Variants in FBXL17 observed in about 807,000 individuals in gnomAD.
FBXL17 encodes the protein F-box and leucine rich repeat protein 17.
In FBXL17, 22 loss-of-function variants were observed where a neutral mutation model predicts 66.2. The ratio of observed to expected loss-of-function variants is 0.33; its 90% CI spans 0.24 to 0.47. The LOEUF is 0.47. FBXL17 is among the 20% of genes least tolerant of loss of function. FBXL17 has a pLI of 1.00. For synonymous variants in FBXL17, 474 were observed against 400.5 expected (o/e 1.18, Z -2.19); for missense variants, 878 against 948.2 (o/e 0.93, Z 0.97).
chr5:108,045,901 C>T (rs746516496), intron 6 of FBXL17, among the ~76,000 whole-genome samples: 4 of 151,976 alleles, frequency 2.6e-5, no homozygotes, highest in Non-Finnish European at 5.9e-5. Flanking sequence ...TTGGCATGTG[C>T]GACATGGTTA....
intron 7 of FBXL17, among the ~76,000 whole-genome samples, chr5:107,948,363 C>G (rs1203671778): frequency 6.6e-6 from 1 of 152,182 alleles, no homozygotes; most frequent in Non-Finnish European, 1.5e-5. Flanking sequence ...AAACTGCACA[C>G]CTGGGAGTCA....
intron 4 of FBXL17, among the ~76,000 whole-genome samples, chr5:108,272,118 A>G (rs901609100): frequency 6.6e-6 from 1 of 151,948 alleles, no homozygotes; most frequent in Admixed American, 6.6e-5. Flanking sequence ...GTGAAACCCC[A>G]TCTCTACTAA....
At chr5:108,185,113 A>G (rs1580575375) in intron 6 of FBXL17, among the ~76,000 whole-genome samples, 1 of 152,112 alleles carries the variant, frequency 6.6e-6, no homozygotes, top group South Asian at 2.1e-4. Flanking sequence ...GTAAGAAAAA[A>G]CTTCTGATTC....
intron 6 of FBXL17, among the ~76,000 whole-genome samples, chr5:108,111,694 C>T (rs929097388): frequency 1.3e-5 from 2 of 152,160 alleles, no homozygotes; most frequent in African/African-American, 4.8e-5. Context: ...AAAAAACTGT[C>T]TGTACATGCT....
chr5:108,024,334 C>T (rs1223493842), intron 6 of FBXL17, among the ~76,000 whole-genome samples: 1 of 152,084 alleles, frequency 6.6e-6, no homozygotes, highest in African/African-American at 2.4e-5. Flanking sequence ...ATTAAGATTA[C>T]TAAACCCTAA....
At chr5:107,913,292 T>C (rs1359195517) in intron 7 of FBXL17, among the ~76,000 whole-genome samples, 3 of 151,950 alleles carry the variant, frequency 2.0e-5, no homozygotes, top group African/African-American at 7.2e-5. Context: ...GAGGTTTGTT[T>C]TGTTGCCTTA....
chr5:107,929,249 T>C (rs551017447), intron 7 of FBXL17, among the ~76,000 whole-genome samples: 3 of 152,152 alleles, frequency 2.0e-5, no homozygotes, highest in Non-Finnish European at 4.4e-5. Context: ...ATGGAGGATA[T>C]GGAGCCAAGT....
At chr5:108,376,226 A>G (rs1361264225) in intron 1 of FBXL17, among the ~76,000 whole-genome samples, 3 of 152,166 alleles carry the variant, frequency 2.0e-5, no homozygotes, top group Non-Finnish European at 4.4e-5. Flanking sequence ...CAAAACAAGG[A>G]TTTCTGCATC....
intron 6 of FBXL17, among the ~76,000 whole-genome samples, chr5:108,140,960 C>A (rs781520857): frequency 6.6e-6 from 1 of 152,102 alleles, no homozygotes; most frequent in Non-Finnish European, 1.5e-5. Flanking sequence ...GGCTGGAACA[C>A]CTGAATTGTC....
At chr5:107,919,386 G>A (rs550574211) in intron 7 of FBXL17, among the ~76,000 whole-genome samples, 3 of 152,128 alleles carry the variant, frequency 2.0e-5, no homozygotes, top group African/African-American at 7.2e-5. Context: ...TTCCTGACAG[G>A]TACCTCTCCT....
Position 108,380,803 on chromosome 5 carries a change from C to G in FBXL17, c.889G>C (p.Asp297His). 8.0e-7 allele frequency: 1 copy of G among 1,248,242 alleles called. No homozygotes were observed. The highest frequency in any genetic ancestry group is 1.0e-6 in the Non-Finnish European group (1 of 988,146). 77.3% of individuals were successfully genotyped at this position (1,248,242 alleles called of 1,614,324 possible). The part of the protein sequence containing the change: ...LSAQQQHECG[D>H]ADCRESPENP... Reference sequence around the variant, plus strand: ...TCGGGGGACTCCCGACAGTCCGCGTCGCCACATTCATGCTGCTGCTGGGCG... The same window carrying G: ...TCGGGGGACTCCCGACAGTCCGCGTGGCCACATTCATGCTGCTGCTGGGCG... Residue 297 changes from aspartate to histidine, a missense_variant, in exon 1 of 9, where the codon GAC becomes CAC. This residue lies in a region of FBXL17 where 605 missense variants were observed against 509.5 expected (regional missense o/e 1.19). Coordinates refer to ENST00000542267, the MANE Select transcript of FBXL17 (RefSeq NM_001163315.3).
At chr5:108,380,646 G>A (rs993095467) in intron 1 of FBXL17, 53 bp downstream of exon 1, 13 of 1,104,028 alleles carry the variant, frequency 1.2e-5, no homozygotes, top group Non-Finnish European at 1.5e-5. Context: ...CTCGGAGGCG[G>A]GGGCCGGGGG....
At chr5:108,021,471 T>C (rs1409553897) in intron 6 of FBXL17, among the ~76,000 whole-genome samples, 2 of 151,340 alleles carry the variant, frequency 1.3e-5, no homozygotes, top group Non-Finnish European at 3.0e-5. Flanking sequence ...AAATATATTC[T>C]AAAAAGCTAT....
chr5:108,239,063 T>A (rs78755936), intron 4 of FBXL17, among the ~76,000 whole-genome samples: 5 of 143,846 alleles, frequency 3.5e-5, no homozygotes, highest in Non-Finnish European at 7.5e-5. Flanking sequence ...AACTTTGACA[T>A]TTTTTTTTTA....
At chr5:108,117,829 C>G (rs1020952681) in intron 6 of FBXL17, among the ~76,000 whole-genome samples, 7 of 152,128 alleles carry the variant, frequency 4.6e-5, no homozygotes, top group Non-Finnish European at 1.0e-4. Flanking sequence ...CAGTTTTTGA[C>G]ACAGGAGTTC....
At chr5:108,148,036 C>T (rs1751627621) in intron 6 of FBXL17, among the ~76,000 whole-genome samples, 1 of 151,658 alleles carries the variant, frequency 6.6e-6, no homozygotes, top group African/African-American at 2.4e-5. Flanking sequence ...TTCTAAAGAA[C>T]ACAATGGAGA....
chr5:108,337,255 CAA>C (rs1222260145), intron 4 of FBXL17, among the ~76,000 whole-genome samples: 20 of 68,442 alleles, frequency 2.9e-4, no homozygotes, highest in Admixed American at 6.8e-4. Context: ...GACTCCATCT[CAA>C]AAAAAAAAAA....
intron 6 of FBXL17, among the ~76,000 whole-genome samples, chr5:108,042,051 G>A (rs192792146): frequency 5.3e-5 from 8 of 152,068 alleles, no homozygotes; most frequent in African/African-American, 9.6e-5. Flanking sequence ...ATGTGCCACC[G>A]TGCTCGGCTA....
intron 6 of FBXL17, among the ~76,000 whole-genome samples, chr5:108,169,054 T>C (rs1332646684): frequency 1.3e-5 from 2 of 152,160 alleles, no homozygotes; most frequent in Non-Finnish European, 2.9e-5. Flanking sequence ...AGCAGCAATG[T>C]CTGCGTGGAT....
Sources: allele counts gnomAD v4.1 joint callset (sites outside exome capture counted in the v4.1 genomes callset), GRCh38; gene constraint gnomAD v4.1.1; regional missense constraint gnomAD v4.1.1; transcripts MANE v1.5; gene names NCBI Gene and HGNC (gene_info 2026-07-23, HGNC 2026-07-21).